Variants in COL19A1 observed in about 807,000 individuals in gnomAD.
COL19A1 encodes the protein collagen type XIX alpha 1 chain.
A neutral mutation model predicts 190.2 loss-of-function variants in COL19A1; 159 were observed. That is an observed-to-expected ratio of 0.84 (90% confidence interval 0.73 to 0.95). COL19A1 has a LOEUF of 0.95. Ranked by LOEUF, COL19A1 falls within the 40% of genes least tolerant of loss-of-function variation. The pLI is 0.00. For synonymous variants in COL19A1, 509 were observed against 458.9 expected, an observed-to-expected ratio of 1.11 and a Z score of -1.39; for missense variants, 1,418 against 1,431.9, an observed-to-expected ratio of 0.99 and a Z score of 0.16.
intron 49 of COL19A1, 110 bp downstream of exon 49, chr6:70,199,846 T>G: frequency 2.0e-6 from 2 of 979,500 alleles, no homozygotes; most frequent in Non-Finnish European, 2.9e-6. Context: ...TATTTATACA[T>G]TACATATATA....
At chr6:70,075,504 T>C (rs746803395) in intron 15 of COL19A1, among the ~76,000 whole-genome samples, 1 of 152,204 alleles carries the variant, frequency 6.6e-6, no homozygotes, top group Non-Finnish European at 1.5e-5. Flanking sequence ...GATAGTCCTT[T>C]ACTTTTGCCT....
At chr6:70,162,387 C>G (rs1002013295) in intron 35 of COL19A1, among the ~76,000 whole-genome samples, 1 of 152,108 alleles carries the variant, frequency 6.6e-6, no homozygotes, top group African/African-American at 2.4e-5. Context: ...TAAAATACCT[C>G]TATTTTAGTC....
At chr6:70,176,642 G>C in intron 42 of COL19A1, 78 bp downstream of exon 42, 2 of 1,446,190 alleles carry the variant, frequency 1.4e-6, no homozygotes, top group Non-Finnish European at 1.9e-6. Context: ...CAGGGATCAA[G>C]ACAGGCAGGA....
chr6:70,202,873 G>T (rs1767633845), intron 49 of COL19A1, among the ~76,000 whole-genome samples: 1 of 152,106 alleles, frequency 6.6e-6, no homozygotes, highest in Admixed American at 6.5e-5. Context: ...TTTTTAAATT[G>T]AAAACATTTC....
At chr6:69,887,925 G>A (rs1769053179) in intron 2 of COL19A1, among the ~76,000 whole-genome samples, 1 of 152,202 alleles carries the variant, frequency 6.6e-6, no homozygotes, top group African/African-American at 2.4e-5. Context: ...CCATCTCAGT[G>A]GGCAGCCTGG....
intron 36 of COL19A1, 77 bp from the exon 37 acceptor site, chr6:70,165,864 G>T: frequency 7.6e-7 from 1 of 1,321,270 alleles, no homozygotes; most frequent in South Asian, 1.2e-5. Context: ...ATGGCTCTGT[G>T]ATTAATTTCA....
chr6:69,920,711 T>A (rs912076042), intron 4 of COL19A1, among the ~76,000 whole-genome samples: 1 of 151,906 alleles, frequency 6.6e-6, no homozygotes, highest in African/African-American at 2.4e-5. Context: ...CCTTAATTAA[T>A]GTGTAGAAAA....
chr6:69,871,694 AAATT>A (rs1260396467), intron 1 of COL19A1, among the ~76,000 whole-genome samples: 3 of 152,168 alleles, frequency 2.0e-5, no homozygotes, highest in Non-Finnish European at 2.9e-5. Context: ...TGAACACTTT[AAATT>A]GTTAGATGGC....
Position 70,055,858 on chromosome 6 carries a change from C to A in COL19A1, c.1171-12565C>A, listed in dbSNP as rs116402080. Among the ~76,000 whole-genome samples, 690 of 148,624 alleles carry A rather than the reference C, an allele frequency of 4.6e-3. 9 individuals carry two copies. Among genetic ancestry groups the A allele is most frequent in the African/African-American group, 0.016 (646 of 40,456 alleles). The stretch of plus-strand genomic sequence containing the variant: ...TCATGTGCAGAGCTAAGTGGTGTAC[C>A]TTTTCTTTCTTGAATAGTTTGTCGT... On this transcript the variant is annotated intron_variant, in intron 14 of 50. Transcript: ENST00000620364.
intron 11 of COL19A1, among the ~76,000 whole-genome samples, chr6:69,999,219 G>A (rs959148125): frequency 2.7e-5 from 4 of 146,984 alleles, no homozygotes; most frequent in Non-Finnish European, 6.0e-5. Flanking sequence ...CACCATGCCC[G>A]GCCTTCTTTT....
intron 2 of COL19A1, among the ~76,000 whole-genome samples, chr6:69,897,473 AC>A (rs1197002871): frequency 6.6e-6 from 1 of 152,028 alleles, no homozygotes. Flanking sequence ...ACACACACAC[AC>A]ACACACACAC....
intron 31 of COL19A1, among the ~76,000 whole-genome samples, chr6:70,154,917 T>C (rs1221066765): frequency 6.6e-6 from 1 of 152,156 alleles, no homozygotes; most frequent in African/African-American, 2.4e-5. Context: ...AGCTGGCACC[T>C]GATTAGATGG....
At chr6:69,958,576 A>T (rs992542046) in intron 9 of COL19A1, among the ~76,000 whole-genome samples, 13 of 152,212 alleles carry the variant, frequency 8.5e-5, no homozygotes, top group Admixed American at 8.5e-4. Flanking sequence ...TATATAGATA[A>T]GTAGATTATA....
intron 46 of COL19A1, among the ~76,000 whole-genome samples, chr6:70,187,695 C>T (rs1018885430): frequency 6.6e-6 from 1 of 151,454 alleles, no homozygotes; most frequent in African/African-American, 2.4e-5. Flanking sequence ...ATCCTCTTGG[C>T]AATCTTCCTT....
chr6:70,122,013 T>G (rs1480341161), intron 17 of COL19A1, 71 bp downstream of exon 17: 5 of 987,780 alleles, frequency 5.1e-6, no homozygotes, highest in Admixed American at 4.9e-5. Flanking sequence ...GAAAAAAAAC[T>G]TATTAATTCC....
At chr6:69,910,553 A>G (rs898996257) in intron 4 of COL19A1, among the ~76,000 whole-genome samples, 1 of 152,232 alleles carries the variant, frequency 6.6e-6, no homozygotes, top group African/African-American at 2.4e-5. Flanking sequence ...AGCTAAATGT[A>G]CTACTTAGGA....
chr6:70,047,423 A>G (rs1443948671), intron 14 of COL19A1, among the ~76,000 whole-genome samples: 2 of 152,116 alleles, frequency 1.3e-5, no homozygotes, highest in Non-Finnish European at 2.9e-5. Context: ...GTCATAATGA[A>G]AATCTGATAA....
intron 15 of COL19A1, among the ~76,000 whole-genome samples, chr6:70,075,086 A>G (rs560322800): frequency 6.6e-6 from 1 of 152,322 alleles, no homozygotes; most frequent in South Asian, 2.1e-4. Context: ...TACAGATAAC[A>G]TCGTATTTTA....
At chr6:70,166,192 T>A (rs118080600) in intron 37 of COL19A1, among the ~76,000 whole-genome samples, 8 of 152,332 alleles carry the variant, frequency 5.3e-5, no homozygotes, top group Non-Finnish European at 1.0e-4. Context: ...CAGATTGGCA[T>A]ACTGCGGGTC....
Sources: allele counts gnomAD v4.1 joint callset (sites outside exome capture counted in the v4.1 genomes callset), GRCh38; gene constraint gnomAD v4.1.1; transcripts MANE v1.5; gene names NCBI Gene and HGNC (gene_info 2026-07-23, HGNC 2026-07-21).